Variants in MBD1 observed in about 807,000 individuals in gnomAD.
The protein encoded by MBD1 is methyl-CpG-binding domain protein 1.
MBD1 carries 25 observed loss-of-function variants against 82.6 expected under a neutral mutation model. The ratio of observed to expected loss-of-function variants is 0.30; its 90% CI spans 0.22 to 0.42. MBD1 has a LOEUF of 0.42. MBD1 is among the 10% of genes least tolerant of loss of function. MBD1 has a pLI of 1.00. For missense variants in MBD1, 627 were observed against 819.6 expected (o/e 0.76, Z 2.87); for synonymous variants, 301 against 303.7 (o/e 0.99, Z 0.09).
At position 50,280,031 on chromosome 18, in the gene MBD1, G is replaced by A. The variant is rs1266635101; in HGVS notation, c.-25-14C>T. ...AGCAGCAGTAGCCTGAAAGGGGGTGGAAGGGATGAGGGAAACTGAGGCTCT... is the reference window on the plus strand; with the variant it reads ...AGCAGCAGTAGCCTGAAAGGGGGTGAAAGGGATGAGGGAAACTGAGGCTCT... On this transcript the variant is annotated splice_polypyrimidine_tract_variant and intron_variant, in intron 1 of 16. Transcript: ENST00000269468. 1.9e-6 allele frequency: 3 copies of A among 1,593,440 alleles called. No individual in the cohort carries two copies. Among genetic ancestry groups the A allele is most frequent in the Non-Finnish European group, 2.6e-6 (3 of 1,176,024 alleles).
Position 50,274,293 on chromosome 18 carries a change from G to A in MBD1, c.1039C>T (p.Arg347Trp), listed in dbSNP as rs1425761643. ...AAGTCGCAGCGGCCACAGTCCATCC[G>A]CCGTAGGCAGGCTGCACAGGCCCCG... ...KCGACAACLR[R>W]MDCGRCDFCC... The change falls in exon 11 of 17, where the codon CGG becomes TGG. Residue 347 changes from arginine to tryptophan, a missense_variant. Transcript: ENST00000269468. 1.9e-6 allele frequency: 3 copies of A among 1,613,860 alleles called. No individual in the cohort carries two copies. The highest frequency in any genetic ancestry group is 1.7e-6 in the Non-Finnish European group (2 of 1,180,028).
At position 50,269,236 on chromosome 18, in the gene MBD1, G is replaced by T. The variant is rs756534915; in HGVS notation, c.*615C>A. 1.2e-5 allele frequency: 13 copies of T among 1,106,598 alleles called. No homozygotes were observed. The highest frequency in any genetic ancestry group is 2.4e-5 in the South Asian group (1 of 42,550). 68.5% of individuals were successfully genotyped at this position (1,106,598 alleles called of 1,614,324 possible). A position where few individuals can be genotyped will look rare whatever the true frequency, so the allele number is the denominator to read the frequency against. ...TGCTGGAATCACCATGAAATCCATGGTCTTCAGCTTTGCATTTTCAGCCAC... is the reference window on the plus strand; with the variant it reads ...TGCTGGAATCACCATGAAATCCATGTTCTTCAGCTTTGCATTTTCAGCCAC... On this transcript the variant is annotated 3_prime_UTR_variant, in exon 17 of 17. Coordinates refer to ENST00000269468, the MANE Select transcript of MBD1 (RefSeq NM_015846.4).
At chr18:50,270,379 G>A in intron 16 of MBD1, 1 of 555,272 alleles carries the variant, frequency 1.8e-6, no homozygotes, top group Non-Finnish European at 3.4e-6. Context: ...TGAAGAATTG[G>A]GAGAGAGTGA....
downstream of MBD1, chr18:50,267,706 A>C: frequency 7.3e-7 from 1 of 1,366,536 alleles, no homozygotes; most frequent in South Asian, 1.2e-5. Flanking sequence ...TCCCATTCTA[A>C]AGTGGGGGTG....
chr18:50,273,174 T>A (rs1429836356), intron 13 of MBD1, 160 bp downstream of exon 13: 4 of 1,261,282 alleles, frequency 3.2e-6, no homozygotes, highest in Non-Finnish European at 3.4e-6. Flanking sequence ...TAGTTGCCTG[T>A]GGGAGGTAGG....
downstream of MBD1, chr18:50,267,809 A>G (rs934202405): frequency 8.2e-6 from 5 of 608,370 alleles, no homozygotes; most frequent in Non-Finnish European, 1.2e-5. Flanking sequence ...CCTCTTAAGG[A>G]CGCAATTTAC....
chr18:50,275,903 G>A lies in MBD1; in HGVS notation c.595C>T (p.Pro199Ser). ...AACAGCCCCGATGCCACATCATGGG[G>A]CAGCTGCAGGAGGCAGGTGGAGCAG... ...GACSTCLLQL[P>S]HDVASGLFCK... The change falls in exon 7 of 17, where the codon CCC becomes TCC. Residue 199 changes from proline to serine, a missense_variant. Physicochemically the swap from Pro to Ser is moderately conservative, Grantham distance 74 (BLOSUM62 -1). Transcript: ENST00000269468. The A allele has an allele frequency of 6.2e-7, 1 of 1,614,158 alleles. No individual in the cohort carries two copies. Among genetic ancestry groups the A allele is most frequent in the Non-Finnish European group, 8.5e-7 (1 of 1,180,024 alleles).
rs369277602 is a variant in MBD1, at chr18:50,276,664, C to T, written c.473G>A (p.Arg158Gln). 1.9e-6 allele frequency: 3 copies of T among 1,614,166 alleles called. No individual in the cohort carries two copies. Among genetic ancestry groups the T allele is most frequent in the South Asian group, 1.1e-5 (1 of 91,080 alleles). Residue 158 changes from arginine (R) to glutamine (Q), a missense_variant and splice_region_variant, in exon 5 of 17, where the codon CGA (arginine) becomes CAA (glutamine). Transcript: ENST00000269468. ...QRLKTLCKDC[R>Q]AQRIAFNREQ... Reference sequence around the variant, plus strand: ...CCCATCCTCTGGAGGCCACTCACCTCGACAGTCTTTGCACAACGTTTTGAG... The same window carrying T: ...CCCATCCTCTGGAGGCCACTCACCTTGACAGTCTTTGCACAACGTTTTGAG...
At chr18:50,275,414 G>C in intron 8 of MBD1, 169 bp from the exon 9 acceptor site, 1 of 1,605,350 alleles carries the variant, frequency 6.2e-7, no homozygotes, top group Non-Finnish European at 8.5e-7. Flanking sequence ...TGACATCTCT[G>C]ATGACGGCGA....
chr18:50,277,549 T>C (rs953549206), intron 2 of MBD1, among the ~76,000 whole-genome samples: 10 of 137,588 alleles, frequency 7.3e-5, no homozygotes. Context: ...AACATATAAA[T>C]GTTAGCATTA....
At chr18:50,270,230 A>C (rs2034949127) in intron 16 of MBD1, 1 of 1,417,978 alleles carries the variant, frequency 7.1e-7, no homozygotes, top group Non-Finnish European at 9.8e-7. Flanking sequence ...TGTCTGAATT[A>C]CTTAAAGCTG....
chr18:50,275,788 C>A (rs750864601), intron 7 of MBD1, 47 bp downstream of exon 7: 1 of 1,613,982 alleles, frequency 6.2e-7, no homozygotes. Flanking sequence ...CCCATGGGGG[C>A]CAGGGGCCGA....
At chr18:50,279,756 A>G in intron 2 of MBD1, 127 bp downstream of exon 2, 1 of 1,269,532 alleles carries the variant, frequency 7.9e-7, no homozygotes. Context: ...CAAACATAAA[A>G]TCCGCTAATA....
rs532974286 is a variant in MBD1 at position 50,269,062 on chromosome 18, T to C, written c.*789A>G. The C allele has an allele frequency of 2.2e-5, 22 of 986,966 alleles. No individual in the cohort carries two copies. The South Asian group carries it at 6.5e-4, about 29-fold the overall frequency. 61.1% of individuals were successfully genotyped at this position (986,966 alleles called of 1,614,324 possible). A position where few individuals can be genotyped will look rare whatever the true frequency, so the allele number is the denominator to read the frequency against. ...ATACATATTGATGCATTTAATAAAA[T>C]TGCATGGGCCGTATCTTTTGCATTT... On this transcript the variant is annotated 3_prime_UTR_variant, in exon 17 of 17. Transcript: ENST00000269468.
At chr18:50,276,619 C>T (rs760015111) in intron 5 of MBD1, 43 bp downstream of exon 5, 17 of 1,603,010 alleles carry the variant, frequency 1.1e-5, no homozygotes, top group Non-Finnish European at 1.2e-5. Flanking sequence ...GGACCTGCTC[C>T]AGCTCCTATC....
In MBD1 at chr18:50,281,501, C is replaced by T; in HGVS notation, c.-164G>A. ...CCTCCTCTGAAGCGGTAGCTGTCGCCTCCGCGGCTGTTCGTTGCTCCCGGA... is the reference window on the plus strand; with the variant it reads ...CCTCCTCTGAAGCGGTAGCTGTCGCTTCCGCGGCTGTTCGTTGCTCCCGGA... On this transcript the variant is annotated 5_prime_UTR_variant, in exon 1 of 17. Transcript: ENST00000269468. 3 of 581,606 alleles carry T rather than the reference C, an allele frequency of 5.2e-6. No individual in the cohort carries two copies. Among genetic ancestry groups the T allele is most frequent in the Non-Finnish European group, 9.2e-6 (3 of 327,382 alleles). 36.0% of individuals were successfully genotyped at this position (581,606 alleles called of 1,614,324 possible). A position where few individuals can be genotyped will look rare whatever the true frequency, so the allele number is the denominator to read the frequency against.
At chr18:50,280,980 C>T (rs1410330837) in intron 1 of MBD1, among the ~76,000 whole-genome samples, 1 of 151,934 alleles carries the variant, frequency 6.6e-6, no homozygotes, top group Non-Finnish European at 1.5e-5. Context: ...GCCTCCTATT[C>T]CTCCCTTTCA....
At chr18:50,267,474 G>A, downstream of MBD1, 2 of 693,524 alleles carry the variant, frequency 2.9e-6, no homozygotes, top group South Asian at 3.3e-5. Flanking sequence ...GGCACGACCT[G>A]GTGGAGCATA....
At chr18:50,268,348 C>G (rs113389990), downstream of MBD1, among the ~76,000 whole-genome samples, 35 of 152,380 alleles carry the variant, frequency 2.3e-4, no homozygotes, top group African/African-American at 7.9e-4. Flanking sequence ...TGGCGACACC[C>G]GGCCGCACTC....
Sources: allele counts gnomAD v4.1 joint callset (sites outside exome capture counted in the v4.1 genomes callset), GRCh38; gene constraint gnomAD v4.1.1; transcripts MANE v1.5; gene names NCBI Gene and HGNC (gene_info 2026-07-23, HGNC 2026-07-21).